Variants in GALNT16 observed in about 807,000 individuals in gnomAD.
GALNT16 encodes polypeptide N-acetylgalactosaminyltransferase 16, also known as UDP-GalNAc:polypeptide N-acetylgalactosaminyltransferase-like protein 1.
GALNT16 carries 40 observed loss-of-function variants against 76.1 expected under a neutral mutation model. That is an observed-to-expected ratio of 0.53 (90% CI 0.41 to 0.68). The LOEUF is 0.68. GALNT16 is among the 30% of genes least tolerant of loss of function. The pLI, the probability that GALNT16 is intolerant of heterozygous loss-of-function variation, is 0.00. For missense variants in GALNT16, 621 were observed against 731.9 expected (o/e 0.85, Z 1.75); for synonymous variants, 276 against 285.2 (o/e 0.97, Z 0.32).
At chr14:69,346,770 C>T (rs1000915099) in intron 12 of GALNT16, among the ~76,000 whole-genome samples, 1 of 152,176 alleles carries the variant, frequency 6.6e-6, no homozygotes, top group Admixed American at 6.5e-5. Context: ...GCCTGAGCTC[C>T]GCCCATGGCT....
chr14:69,341,502 A>G (rs1205047664), intron 11 of GALNT16, among the ~76,000 whole-genome samples, 179 bp from the exon 12 acceptor site: 1 of 152,184 alleles, frequency 6.6e-6, no homozygotes, highest in South Asian at 2.1e-4. Flanking sequence ...ACCTGCCTTG[A>G]GCTTGCAAGT....
chr14:69,269,755 TGTG>T (rs1399574861), intron 1 of GALNT16, among the ~76,000 whole-genome samples: 4 of 150,604 alleles, frequency 2.7e-5, no homozygotes, highest in African/African-American at 9.8e-5. Context: ...GTGTGTGAGA[TGTG>T]GGGTTCCTGT....
intron 6 of GALNT16, among the ~76,000 whole-genome samples, chr14:69,329,110 C>A (rs894678884): frequency 4.6e-5 from 7 of 152,196 alleles, no homozygotes; most frequent in Admixed American, 1.3e-4. Flanking sequence ...GTAATCCCAG[C>A]ACTTTGGGAG....
chr14:69,325,006 C>T (rs2045260507), intron 3 of GALNT16, among the ~76,000 whole-genome samples: 1 of 152,166 alleles, frequency 6.6e-6, no homozygotes, highest in Non-Finnish European at 1.5e-5. Context: ...ATGTCCAGGA[C>T]AAGGGCAGAA....
intron 1 of GALNT16, among the ~76,000 whole-genome samples, chr14:69,310,984 T>A (rs899949553): frequency 6.6e-6 from 1 of 152,204 alleles, no homozygotes; most frequent in African/African-American, 2.4e-5. Context: ...CTTTGTGCCT[T>A]GATAAAATGC....
chr14:69,378,523 T>C, the GALNT16 span, among the ~76,000 whole-genome samples: 1 of 152,200 alleles, frequency 6.6e-6, no homozygotes, highest in Non-Finnish European at 1.5e-5. Context: ...CATTTCACCT[T>C]CACAAAAAGG....
At chr14:69,283,599 C>T (rs558575082) in intron 1 of GALNT16, among the ~76,000 whole-genome samples, 2 of 152,214 alleles carry the variant, frequency 1.3e-5, no homozygotes, top group South Asian at 2.1e-4. Context: ...TGAAGACCAC[C>T]GATGCTGGAA....
Position 69,352,381 on chromosome 14 carries a change from C to T in GALNT16, c.*213C>T. The T allele has an allele frequency of 1.1e-5, 6 of 554,904 alleles. 1 individual carries two copies. The highest frequency in any genetic ancestry group is 9.6e-5 in the South Asian group (4 of 41,488). The allele number at this position is 554,904 out of a possible 1,614,324, so 34.4% of individuals were successfully genotyped here. On this transcript the variant is annotated 3_prime_UTR_variant, in exon 15 of 15. Coordinates refer to ENST00000448469, the MANE Select transcript of GALNT16 (RefSeq NM_001168368.2). The stretch of plus-strand genomic sequence containing the variant: ...GCCCTCAGTGCTGTCCTGGCCTTGC[C>T]CCGGGAGAGGAGATGGTCAGGGTGC...
chr14:69,312,117 G>A (rs75802074), intron 1 of GALNT16, among the ~76,000 whole-genome samples: 2 of 149,798 alleles, frequency 1.3e-5, no homozygotes, highest in African/African-American at 2.5e-5. Flanking sequence ...CTATCTATCT[G>A]TCTAATATAT....
the GALNT16 span, among the ~76,000 whole-genome samples, chr14:69,383,624 C>T: frequency 6.6e-6 from 1 of 152,104 alleles, no homozygotes; most frequent in African/African-American, 2.4e-5. Context: ...TAGAAACAAA[C>T]AAATAGTTAC....
chr14:69,272,762 T>A (rs965274641), intron 1 of GALNT16, among the ~76,000 whole-genome samples: 1 of 152,204 alleles, frequency 6.6e-6, no homozygotes, highest in African/African-American at 2.4e-5. Flanking sequence ...ACTCTACTTT[T>A]TATACGTTTA....
At chr14:69,370,863 C>A in the GALNT16 span, among the ~76,000 whole-genome samples, 1 of 152,248 alleles carries the variant, frequency 6.6e-6, no homozygotes, top group East Asian at 1.9e-4. Context: ...CCATCTCCAA[C>A]AGGAACAGTG....
At chr14:69,296,102 AG>A (rs1454975521) in intron 1 of GALNT16, among the ~76,000 whole-genome samples, 1 of 152,228 alleles carries the variant, frequency 6.6e-6, no homozygotes, top group African/African-American at 2.4e-5. Flanking sequence ...GAGAGGCCTC[AG>A]GAAACTTCCA....
chr14:69,370,097 G>A, the GALNT16 span, among the ~76,000 whole-genome samples: 1 of 152,176 alleles, frequency 6.6e-6, no homozygotes, highest in Non-Finnish European at 1.5e-5. Flanking sequence ...AATGTCACCA[G>A]AATTTAGTTT....
chr14:69,366,175 A>G, the GALNT16 span, among the ~76,000 whole-genome samples: 1 of 152,222 alleles, frequency 6.6e-6, no homozygotes, highest in Non-Finnish European at 1.5e-5. Flanking sequence ...CAGAGGAATG[A>G]ATGAATGACA....
At chr14:69,278,316 TC>T (rs1429185884) in intron 1 of GALNT16, among the ~76,000 whole-genome samples, 1 of 152,144 alleles carries the variant, frequency 6.6e-6, no homozygotes, top group African/African-American at 2.4e-5. Context: ...TCATATTCTG[TC>T]CCTTTAGACA....
At chr14:69,324,476 C>A (rs1336909341) in intron 2 of GALNT16, among the ~76,000 whole-genome samples, 1 of 152,136 alleles carries the variant, frequency 6.6e-6, no homozygotes, top group Non-Finnish European at 1.5e-5. Flanking sequence ...CAACCTGCTG[C>A]TTCCCTCCCA....
intron 1 of GALNT16, among the ~76,000 whole-genome samples, chr14:69,284,108 C>G (rs910753977): frequency 2.6e-5 from 4 of 152,204 alleles, no homozygotes; most frequent in African/African-American, 9.7e-5. Flanking sequence ...CTTTGACCCT[C>G]TCCTAAGACT....
At chr14:69,268,439 G>A (rs1307831742) in intron 1 of GALNT16, among the ~76,000 whole-genome samples, 2 of 152,214 alleles carry the variant, frequency 1.3e-5, no homozygotes, top group African/African-American at 4.8e-5. Flanking sequence ...GCTAGGAGCT[G>A]CTGACACACT....
Sources: allele counts gnomAD v4.1 joint callset (sites outside exome capture counted in the v4.1 genomes callset), GRCh38; gene constraint gnomAD v4.1.1; transcripts MANE v1.5; gene names NCBI Gene and HGNC (gene_info 2026-07-23, HGNC 2026-07-21).